CMSS1: variants seen among roughly 807,000 people sequenced by gnomAD.
CMSS1 encodes cms1 ribosomal small subunit homolog.
In CMSS1, 33 loss-of-function variants were observed where a neutral mutation model predicts 43.5. The ratio of observed to expected loss-of-function variants is 0.76; its 90% CI spans 0.57 to 1.01. The LOEUF (loss-of-function observed/expected upper bound fraction) is 1.01, where lower values mean the gene tolerates loss of function less well. Ranked by LOEUF, CMSS1 falls within the 50% of genes least tolerant of loss-of-function variation. CMSS1 has a pLI of 0.00. For synonymous variants in CMSS1, 115 were observed against 117.2 expected, an observed-to-expected ratio of 0.98 and a Z score of 0.12; for missense variants, 313 against 326.4, an observed-to-expected ratio of 0.96 and a Z score of 0.32.
intron 1 of CMSS1, among the ~76,000 whole-genome samples, chr3:99,829,228 AT>A (rs71625540): frequency 0.56 from 84,888 of 151,816 alleles, 24,214 homozygotes; most frequent in East Asian, 0.72. Flanking sequence ...CGTTCCATTG[AT>A]TTTTTTCCCC....
At chr3:99,852,638 G>A (rs553034287) in intron 1 of CMSS1, among the ~76,000 whole-genome samples, 26 of 152,094 alleles carry the variant, frequency 1.7e-4, no homozygotes, top group African/African-American at 6.3e-4. Context: ...TAGAGACAGG[G>A]TTTCACCATG....
intron 8 of CMSS1, 129 bp from the exon 9 acceptor site, chr3:100,176,198 T>G (rs2067146770): frequency 1.6e-6 from 1 of 611,232 alleles, no homozygotes. Flanking sequence ...GCACTTAATG[T>G]GCGGAGATTA....
intron 1 of CMSS1, among the ~76,000 whole-genome samples, chr3:100,024,771 G>T (rs1356791080): frequency 2.0e-5 from 3 of 152,096 alleles, no homozygotes; most frequent in Non-Finnish European, 4.4e-5. Context: ...AGTTACGGAG[G>T]CTTCTGAATC....
chr3:100,058,489 A>G (rs1420157049), intron 1 of CMSS1, among the ~76,000 whole-genome samples: 2 of 152,048 alleles, frequency 1.3e-5, no homozygotes, highest in Non-Finnish European at 2.9e-5. Context: ...CCCATTGATG[A>G]CCTCCTCTCT....
At chr3:100,158,824 A>C (rs1200633575) in intron 2 of CMSS1, among the ~76,000 whole-genome samples, 1 of 152,222 alleles carries the variant, frequency 6.6e-6, no homozygotes, top group Non-Finnish European at 1.5e-5. Flanking sequence ...GTCATGTTTT[A>C]ATTAATTGGC....
chr3:99,955,790 A>G (rs1708304137), intron 1 of CMSS1, among the ~76,000 whole-genome samples: 1 of 152,194 alleles, frequency 6.6e-6, no homozygotes. Flanking sequence ...CTGGAAGGAA[A>G]TAAGATGGAA....
At chr3:99,877,445 T>C (rs1705573005) in intron 1 of CMSS1, among the ~76,000 whole-genome samples, 1 of 152,186 alleles carries the variant, frequency 6.6e-6, no homozygotes, top group African/African-American at 2.4e-5. Context: ...ACATTAAATG[T>C]ATGTCCTCTT....
chr3:99,862,402 C>A (rs1391517718), intron 1 of CMSS1, among the ~76,000 whole-genome samples: 1 of 152,154 alleles, frequency 6.6e-6, no homozygotes, highest in Non-Finnish European at 1.5e-5. Context: ...TTATTGCGAT[C>A]TATTTTAAGG....
intron 1 of CMSS1, among the ~76,000 whole-genome samples, chr3:100,049,470 T>G (rs1177385689): frequency 6.6e-6 from 1 of 152,232 alleles, no homozygotes; most frequent in Non-Finnish European, 1.5e-5. Flanking sequence ...AGTCTTCTTT[T>G]TATTGATTGA....
At chr3:99,963,818 A>G (rs1708565214) in intron 1 of CMSS1, among the ~76,000 whole-genome samples, 1 of 151,996 alleles carries the variant, frequency 6.6e-6, no homozygotes, top group African/African-American at 2.4e-5. Context: ...GGGTTTCACC[A>G]TGTTGGCCAA....
chr3:100,040,004 T>G (rs1023685407), intron 1 of CMSS1: 3 of 152,212 alleles, frequency 2.0e-5, no homozygotes, highest in Non-Finnish European at 4.4e-5. Context: ...CCGCCCACCT[T>G]GGCCTTCCAA....
chr3:99,825,092 T>C (rs778506533), intron 1 of CMSS1, among the ~76,000 whole-genome samples: 1 of 152,194 alleles, frequency 6.6e-6, no homozygotes, highest in African/African-American at 2.4e-5. Context: ...ATATAGACAG[T>C]CTTGCATTGT....
intron 1 of CMSS1, among the ~76,000 whole-genome samples, chr3:99,911,805 G>A (rs1224061180): frequency 6.6e-6 from 1 of 152,094 alleles, no homozygotes; most frequent in East Asian, 1.9e-4. Flanking sequence ...CTCAAAGACA[G>A]GATCCATGTC....
At chr3:100,068,090 GT>G (rs2065697017) in intron 1 of CMSS1, among the ~76,000 whole-genome samples, 1 of 152,164 alleles carries the variant, frequency 6.6e-6, no homozygotes, top group Non-Finnish European at 1.5e-5. Flanking sequence ...TCCTAAAATT[GT>G]GAAAGATTAC....
chr3:100,015,224 G>A (rs1358958147), intron 1 of CMSS1, among the ~76,000 whole-genome samples: 1 of 151,710 alleles, frequency 6.6e-6, no homozygotes, highest in Non-Finnish European at 1.5e-5. Context: ...TTAATTTCTG[G>A]GCTCTCTGTT....
chr3:99,834,939 T>A (rs552692112), intron 1 of CMSS1, among the ~76,000 whole-genome samples: 1 of 152,322 alleles, frequency 6.6e-6, no homozygotes, highest in East Asian at 1.9e-4. Context: ...GGAGTAGAGA[T>A]ATTGTGTAAT....
chr3:100,089,321 G>T (rs1284185888), intron 1 of CMSS1, among the ~76,000 whole-genome samples: 1 of 152,066 alleles, frequency 6.6e-6, no homozygotes, highest in Non-Finnish European at 1.5e-5. Flanking sequence ...ATTACTACAC[G>T]CATATCCACA....
intron 1 of CMSS1, among the ~76,000 whole-genome samples, chr3:100,120,397 A>G (rs139175154): frequency 1.9e-4 from 29 of 152,342 alleles, no homozygotes; most frequent in Middle Eastern, 6.8e-3. Context: ...AACATCTCAG[A>G]TTGGACCAGT....
At chr3:100,119,750 A>G (rs749467925) in intron 1 of CMSS1, among the ~76,000 whole-genome samples, 1 of 152,262 alleles carries the variant, frequency 6.6e-6, no homozygotes, top group African/African-American at 2.4e-5. Flanking sequence ...TCATTTTTCA[A>G]TTCCAGGGTT....
Sources: gnomAD v4.1 joint callset for allele counts (sites outside exome capture counted in the v4.1 genomes callset) on GRCh38, gnomAD v4.1.1 for gene constraint, MANE v1.5 for transcripts, NCBI Gene and HGNC (gene_info 2026-07-23, HGNC 2026-07-21) for gene names.